Variants in WWOX observed in about 807,000 individuals in gnomAD.
The protein encoded by WWOX is WW domain-containing oxidoreductase.
WWOX carries 69 observed loss-of-function variants against 46.2 expected under a neutral mutation model. The ratio of observed to expected loss-of-function variants is 1.49; its 90% CI spans 1.23 to 1.82. WWOX has a LOEUF of 1.82. Ranked by LOEUF, WWOX falls within the 40% of genes most tolerant of loss-of-function variation. WWOX has a pLI of 0.00. For missense variants in WWOX, 919 were observed against 542.6 expected (o/e 1.69, Z -6.89); for synonymous variants, 359 against 202.6 (o/e 1.77, Z -6.56).
intron 8 of WWOX, among the ~76,000 whole-genome samples, chr16:79,134,348 A>T (rs190051717): frequency 6.6e-6 from 1 of 152,154 alleles, no homozygotes; most frequent in Admixed American, 6.5e-5. Context: ...ATTGGAGAAG[A>T]TAAGAAAGTA....
intron 8 of WWOX, among the ~76,000 whole-genome samples, chr16:78,737,275 T>C (rs2049113478): frequency 6.6e-6 from 1 of 151,502 alleles, no homozygotes; most frequent in East Asian, 1.9e-4. Flanking sequence ...AATTTTTGTA[T>C]GTATATGTGT....
At chr16:79,208,072 T>C (rs957400229) in intron 8 of WWOX, among the ~76,000 whole-genome samples, 4 of 152,214 alleles carry the variant, frequency 2.6e-5, no homozygotes, top group Non-Finnish European at 4.4e-5. Flanking sequence ...TGACAGATGA[T>C]TTTTGAAAGA....
intron 8 of WWOX, among the ~76,000 whole-genome samples, chr16:78,805,921 C>G (rs1249388361): frequency 6.6e-6 from 1 of 152,160 alleles, no homozygotes; most frequent in Non-Finnish European, 1.5e-5. Context: ...TTTTTCTCAT[C>G]TTTTGAACAT....
intron 8 of WWOX, among the ~76,000 whole-genome samples, chr16:78,998,292 G>T (rs980948616): frequency 6.6e-6 from 1 of 152,142 alleles, no homozygotes; most frequent in Non-Finnish European, 1.5e-5. Flanking sequence ...TCTGATCTAA[G>T]GTGTTGGCTG....
At chr16:78,495,360 C>G (rs1428240216) in intron 8 of WWOX, among the ~76,000 whole-genome samples, 5 of 151,020 alleles carry the variant, frequency 3.3e-5, no homozygotes, top group East Asian at 2.0e-4. Flanking sequence ...AGGCTGGTCT[C>G]GAACTCTTGA....
At chr16:79,066,876 G>T (rs1182944867) in intron 8 of WWOX, among the ~76,000 whole-genome samples, 3 of 152,188 alleles carry the variant, frequency 2.0e-5, no homozygotes, top group African/African-American at 7.2e-5. Flanking sequence ...TTTCATTCCA[G>T]ACTACAGTAG....
intron 5 of WWOX, among the ~76,000 whole-genome samples, chr16:78,306,114 G>A (rs753010607): frequency 3.3e-5 from 5 of 152,000 alleles, no homozygotes; most frequent in African/African-American, 9.7e-5. Flanking sequence ...TCTTCCAAAG[G>A]ATTTGCCTTC....
intron 8 of WWOX, among the ~76,000 whole-genome samples, chr16:78,838,595 A>C (rs976922938): frequency 1.3e-5 from 2 of 152,248 alleles, no homozygotes; most frequent in Non-Finnish European, 2.9e-5. Context: ...TAATCCCAGC[A>C]CTTTGGGAGG....
intron 8 of WWOX, among the ~76,000 whole-genome samples, chr16:78,624,661 A>C (rs181269480): frequency 1.8e-4 from 27 of 152,182 alleles, no homozygotes; most frequent in Admixed American, 1.6e-3. Context: ...GGGGGAAAAA[A>C]CCCTCACTTT....
intron 8 of WWOX, among the ~76,000 whole-genome samples, chr16:78,651,352 G>C (rs577568647): frequency 3.3e-5 from 5 of 152,212 alleles, no homozygotes; most frequent in Non-Finnish European, 7.3e-5. Flanking sequence ...TATAACGATT[G>C]AATTAGACTC....
intron 8 of WWOX, chr16:79,204,121 C>G (rs1442968949): frequency 6.6e-6 from 1 of 151,996 alleles, no homozygotes; most frequent in African/African-American, 2.4e-5. Flanking sequence ...TATTTCAAAC[C>G]AACCATGGAA....
At chr16:78,406,271 T>C (rs937080884) in intron 6 of WWOX, among the ~76,000 whole-genome samples, 8 of 139,376 alleles carry the variant, frequency 5.7e-5, no homozygotes, top group Admixed American at 3.8e-4. Context: ...GATGATGATA[T>C]AATTTCCATT....
At chr16:78,647,602 T>A (rs1402537256) in intron 8 of WWOX, among the ~76,000 whole-genome samples, 2 of 152,296 alleles carry the variant, frequency 1.3e-5, no homozygotes, top group East Asian at 3.9e-4. Context: ...TCCTCCCCAT[T>A]CTATAAAATA....
chr16:78,744,341 T>C (rs1232271895), intron 8 of WWOX, among the ~76,000 whole-genome samples: 1 of 152,010 alleles, frequency 6.6e-6, no homozygotes, highest in African/African-American at 2.4e-5. Context: ...ATTTGTTTGC[T>C]TTTTTATAGT....
At chr16:79,184,151 A>C (rs2050967442) in intron 8 of WWOX, among the ~76,000 whole-genome samples, 2 of 152,032 alleles carry the variant, frequency 1.3e-5, no homozygotes, top group South Asian at 4.2e-4. Flanking sequence ...TGTAAATTAA[A>C]CCCTCCCCCA....
At chr16:78,681,606 G>C (rs2047731247) in intron 8 of WWOX, among the ~76,000 whole-genome samples, 1 of 151,728 alleles carries the variant, frequency 6.6e-6, no homozygotes, top group South Asian at 2.1e-4. Flanking sequence ...CTGCCCATTA[G>C]AATCTCTAGG....
intron 8 of WWOX, among the ~76,000 whole-genome samples, chr16:78,599,348 G>T (rs1489044695): frequency 1.3e-5 from 2 of 152,092 alleles, no homozygotes; most frequent in African/African-American, 4.8e-5. Context: ...CTCCACCTTG[G>T]GCTTGAGACT....
At chr16:78,112,440 C>G (rs1484568080) in intron 3 of WWOX, among the ~76,000 whole-genome samples, 1 of 152,046 alleles carries the variant, frequency 6.6e-6, no homozygotes, top group Non-Finnish European at 1.5e-5. Context: ...TTTGAGCAAA[C>G]CTGGTGAACT....
intron 8 of WWOX, among the ~76,000 whole-genome samples, chr16:79,144,799 G>A (rs1043553307): frequency 5.3e-5 from 8 of 152,064 alleles, no homozygotes; most frequent in Non-Finnish European, 1.2e-4. Flanking sequence ...CTTACAATAT[G>A]ATATTTTGAG....
Sources: allele counts gnomAD v4.1 joint callset (sites outside exome capture counted in the v4.1 genomes callset), GRCh38; gene constraint gnomAD v4.1.1; transcripts MANE v1.5; gene names NCBI Gene and HGNC (gene_info 2026-07-23, HGNC 2026-07-21).